FBXO28: variants seen among roughly 807,000 people sequenced by gnomAD.
The protein encoded by FBXO28 is F-box protein 28.
FBXO28 carries 8 observed loss-of-function variants against 38.1 expected under a neutral mutation model. The observed-to-expected ratio is 0.21, with a 90% CI of 0.12 to 0.38. The LOEUF is 0.38. Ranked by LOEUF, FBXO28 falls within the 10% of genes least tolerant of loss-of-function variation. The probability of loss-of-function intolerance (pLI) is 1.00; values close to 1 mark genes in which losing one functional copy is unlikely to be tolerated. For synonymous variants in FBXO28, 168 were observed against 173.8 expected (o/e 0.97, Z 0.26); for missense variants, 345 against 460.6 (o/e 0.75, Z 2.30).
At chr1:224,128,480 T>G in intron 1 of FBXO28, among the ~76,000 whole-genome samples, 1 of 152,144 alleles carries the variant, frequency 6.6e-6, no homozygotes, top group Non-Finnish European at 1.5e-5. Context: ...ACAAAGTTTA[T>G]TTAACAATTT....
intron 1 of FBXO28, among the ~76,000 whole-genome samples, chr1:224,115,068 C>G (rs1044555206): frequency 3.9e-5 from 6 of 152,192 alleles, no homozygotes; most frequent in African/African-American, 1.4e-4. Context: ...AAGCAACTTA[C>G]CCCTTGACGG....
intron 4 of FBXO28, among the ~76,000 whole-genome samples, chr1:224,156,241 G>A (rs2102637461): frequency 6.6e-6 from 1 of 152,222 alleles, no homozygotes; most frequent in Admixed American, 6.5e-5. Context: ...TTATTTTTAT[G>A]CTTGTGTTAC....
intron 3 of FBXO28, among the ~76,000 whole-genome samples, chr1:224,152,563 A>G (rs1657671589): frequency 6.6e-6 from 1 of 152,148 alleles, no homozygotes; most frequent in Admixed American, 6.6e-5. Context: ...TAGAAGCTTT[A>G]TTTTATTCAT....
chr1:224,116,529 G>A (rs937439167), intron 1 of FBXO28, among the ~76,000 whole-genome samples: 1 of 152,144 alleles, frequency 6.6e-6, no homozygotes, highest in African/African-American at 2.4e-5. Flanking sequence ...ATTAAGGCTG[G>A]ATATGCTTTG....
rs1656936823 is a variant in FBXO28 at position 224,127,579 on chromosome 1, GGTTTA to G, written c.268-2884_268-2880del. On this transcript the variant is annotated intron_variant, in intron 1 of 4. Transcript: ENST00000366862. The stretch of plus-strand genomic sequence containing the variant: ...AGACACTGAACAAATACTGATAACT[GGTTTA>G]GTTTAGTTAGAAATAGATTCTACCA... Among the ~76,000 whole-genome samples the G allele has an allele frequency of 5.9e-5, 9 of 152,108 alleles. No individual in the cohort carries two copies. In the South Asian group the frequency reaches 1.9e-3, roughly 32 times the overall value.
At chr1:224,155,248 G>A (rs1246781709) in intron 4 of FBXO28, among the ~76,000 whole-genome samples, 1 of 151,676 alleles carries the variant, frequency 6.6e-6, no homozygotes, top group Non-Finnish European at 1.5e-5. Flanking sequence ...TCACTGCAAC[G>A]TCCGCCTCCC....
intron 4 of FBXO28, among the ~76,000 whole-genome samples, chr1:224,155,175 A>AT (rs1230571004): frequency 2.0e-5 from 3 of 150,832 alleles, no homozygotes; most frequent in Non-Finnish European, 3.0e-5. Flanking sequence ...TTTATTTTTT[A>AT]TTTTTTTTGA....
At chr1:224,134,946 TGAA>T (rs1657139191) in intron 3 of FBXO28, among the ~76,000 whole-genome samples, 1 of 152,234 alleles carries the variant, frequency 6.6e-6, no homozygotes, top group South Asian at 2.1e-4. Flanking sequence ...TAGTAAAATC[TGAA>T]TGTTCGCTTT....
chr1:224,116,473 T>C (rs1284150895), intron 1 of FBXO28, among the ~76,000 whole-genome samples: 1 of 152,064 alleles, frequency 6.6e-6, no homozygotes, highest in Non-Finnish European at 1.5e-5. Context: ...CTATCTGACA[T>C]ATAAGTTACG....
intron 1 of FBXO28, among the ~76,000 whole-genome samples, chr1:224,114,902 A>G (rs1328197265): frequency 1.3e-5 from 2 of 152,198 alleles, no homozygotes; most frequent in African/African-American, 2.4e-5. Flanking sequence ...TGAGTAGACT[A>G]AGGTGGCTCA....
intron 3 of FBXO28, among the ~76,000 whole-genome samples, chr1:224,139,764 GCATACATACATA>G (rs57108038): frequency 2.1e-5 from 3 of 145,936 alleles, no homozygotes; most frequent in Admixed American, 7.0e-5. Flanking sequence ...ATGCATGCAT[GCATACATACATA>G]CATACATACA....
At chr1:224,136,006 G>T (rs1300631071) in intron 3 of FBXO28, among the ~76,000 whole-genome samples, 1 of 151,480 alleles carries the variant, frequency 6.6e-6, no homozygotes. Flanking sequence ...CTGCACTCCA[G>T]CCTGGCGACA....
intron 3 of FBXO28, among the ~76,000 whole-genome samples, chr1:224,134,902 G>A (rs911127687): frequency 1.3e-5 from 2 of 152,140 alleles, no homozygotes; most frequent in Admixed American, 1.3e-4. Flanking sequence ...GCTGGCAAAA[G>A]TTTCCCTTAA....
intron 1 of FBXO28, among the ~76,000 whole-genome samples, chr1:224,123,916 C>G (rs1017872869): frequency 6.6e-6 from 1 of 152,132 alleles, no homozygotes; most frequent in African/African-American, 2.4e-5. Context: ...TGAGACCAGC[C>G]TGATCAACAT....
chr1:224,144,555 C>G (rs545393231), intron 3 of FBXO28, among the ~76,000 whole-genome samples: 64 of 151,330 alleles, frequency 4.2e-4, no homozygotes, highest in Non-Finnish European at 8.4e-4. Context: ...GTCAAGAGAT[C>G]GGGACCATCC....
intron 2 of FBXO28, among the ~76,000 whole-genome samples, chr1:224,133,777 C>T (rs1210887142): frequency 6.6e-6 from 1 of 151,958 alleles, no homozygotes; most frequent in African/African-American, 2.4e-5. Context: ...TCCTAAAGTG[C>T]TGGGATTACA....
chr1:224,157,322 G>T, intron 4 of FBXO28, 30 bp from the exon 5 acceptor site: 2 of 1,556,824 alleles, frequency 1.3e-6, no homozygotes, highest in South Asian at 1.2e-5. Context: ...CATTTTAAGT[G>T]ACTGACCCTT....
Position 224,136,675 on chromosome 1 carries a change from C to T in FBXO28, c.516+2463C>T, listed in dbSNP as rs1322820366. Among the ~76,000 whole-genome samples the T allele has an allele frequency of 2.0e-5, 3 of 151,252 alleles. No individual in the cohort carries two copies. In the East Asian group the frequency reaches 5.9e-4, roughly 30 times the overall value. ...CCTGGGAGGCAGAGCTTGCAGTGAG[C>T]CAAGATCGTGCCACTGCACTCCAGC... is the stretch of plus-strand genomic sequence containing the variant. On this transcript the variant is annotated intron_variant, in intron 3 of 4. Coordinates refer to ENST00000366862, the MANE Select transcript of FBXO28 (RefSeq NM_015176.4).
intron 3 of FBXO28, among the ~76,000 whole-genome samples, chr1:224,135,729 A>ATGT (rs1657167058): frequency 6.6e-6 from 1 of 151,968 alleles, no homozygotes; most frequent in African/African-American, 2.4e-5. Flanking sequence ...TGGAATGGTG[A>ATGT]TGTTGACAGT....
Sources: gnomAD v4.1 joint callset for allele counts (sites outside exome capture counted in the v4.1 genomes callset) on GRCh38, gnomAD v4.1.1 for gene constraint, MANE v1.5 for transcripts, NCBI Gene and HGNC (gene_info 2026-07-23, HGNC 2026-07-21) for gene names.